The following GPHN variants were observed in gnomAD, a reference collection of about 807,000 sequenced individuals.
The protein encoded by GPHN is gephyrin.
GPHN carries 17 observed loss-of-function variants against 95.5 expected under a neutral mutation model. That is an observed-to-expected ratio of 0.18 (90% confidence interval 0.12 to 0.27). The LOEUF (loss-of-function observed/expected upper bound fraction) is 0.27. GPHN is among the 10% of genes least tolerant of loss of function. The probability of loss-of-function intolerance (pLI) is 1.00; values close to 1 mark genes in which losing one functional copy is unlikely to be tolerated. For missense variants in GPHN, 660 were observed against 978.1 expected, an observed-to-expected ratio of 0.67 and a Z score of 4.34; for synonymous variants, 320 against 322.5, an observed-to-expected ratio of 0.99 and a Z score of 0.08.
chr14:66,576,373 A>T (rs539392538), intron 1 of GPHN, among the ~76,000 whole-genome samples: 1 of 152,066 alleles, frequency 6.6e-6, no homozygotes, highest in Non-Finnish European at 1.5e-5. Context: ...CAAGAGGGAA[A>T]GAGTATGGCA....
chr14:66,720,120 T>C (rs1271032903), intron 2 of GPHN, among the ~76,000 whole-genome samples: 2 of 152,208 alleles, frequency 1.3e-5, no homozygotes, highest in African/African-American at 2.4e-5. Context: ...AACCATTAAA[T>C]TTTATAATTA....
chr14:66,594,212 T>C (rs924294098), intron 1 of GPHN, among the ~76,000 whole-genome samples: 1 of 152,150 alleles, frequency 6.6e-6, no homozygotes, highest in Non-Finnish European at 1.5e-5. Flanking sequence ...ATTGAAAGGA[T>C]GAACATTGTT....
chr14:67,239,182 GT>G, the GPHN span, among the ~76,000 whole-genome samples: 10 of 152,076 alleles, frequency 6.6e-5, no homozygotes, highest in Non-Finnish European at 1.3e-4. Flanking sequence ...TGTGTGTTTT[GT>G]TGTTTTGTAA....
intron 1 of GPHN, among the ~76,000 whole-genome samples, chr14:66,582,985 G>C (rs1213350489): frequency 1.3e-5 from 2 of 152,116 alleles, no homozygotes; most frequent in African/African-American, 4.8e-5. Flanking sequence ...GGTGGAACTA[G>C]TTTACAATCC....
chr14:67,705,001 A>G, the GPHN span, among the ~76,000 whole-genome samples: 1 of 152,310 alleles, frequency 6.6e-6, no homozygotes, highest in African/African-American at 2.4e-5. Context: ...CAGGGAGGTC[A>G]CTCTGAAATC....
chr14:67,558,692 T>C, the GPHN span, among the ~76,000 whole-genome samples: 1 of 152,166 alleles, frequency 6.6e-6, no homozygotes, highest in Non-Finnish European at 1.5e-5. Flanking sequence ...AGCTGTGCCA[T>C]GAATGGACAG....
chr14:67,364,332 A>G, the GPHN span: 1 of 152,988 alleles, frequency 6.5e-6, no homozygotes, highest in Non-Finnish European at 1.5e-5. Flanking sequence ...TTTCCTTTAT[A>G]TAGTGAGTGG....
At chr14:66,810,929 C>T in intron 3 of GPHN, among the ~76,000 whole-genome samples, 1 of 152,076 alleles carries the variant, frequency 6.6e-6, no homozygotes, top group Admixed American at 6.6e-5. Context: ...TACTTCCCTG[C>T]CTTACAGTCA....
chr14:67,482,743 G>A, the GPHN span, among the ~76,000 whole-genome samples: 209 of 152,314 alleles, frequency 1.4e-3, 3 homozygotes, highest in East Asian at 0.022. Context: ...AGGGCCAGAA[G>A]GGAAGCAAGT....
At chr14:67,438,598 C>T in the GPHN span, among the ~76,000 whole-genome samples, 103 of 152,204 alleles carry the variant, frequency 6.8e-4, no homozygotes, top group African/African-American at 2.2e-3. Flanking sequence ...CGGTGGCTCA[C>T]GCCTGTAATC....
At chr14:67,248,413 G>A in the GPHN span, among the ~76,000 whole-genome samples, 1 of 152,032 alleles carries the variant, frequency 6.6e-6, no homozygotes, top group Non-Finnish European at 1.5e-5. Context: ...AATGAAGTCA[G>A]TAGAGTCAAG....
intron 2 of GPHN, among the ~76,000 whole-genome samples, chr14:66,732,368 C>T (rs921489569): frequency 1.3e-5 from 2 of 152,220 alleles, no homozygotes; most frequent in African/African-American, 2.4e-5. Context: ...GACTTGGAGT[C>T]AGAGGAGATA....
At chr14:67,104,753 A>G (rs1471786115) in intron 13 of GPHN, among the ~76,000 whole-genome samples, 1 of 151,988 alleles carries the variant, frequency 6.6e-6, no homozygotes, top group African/African-American at 2.4e-5. Flanking sequence ...TTATTAGTCT[A>G]GCTAATGCTT....
intron 4 of GPHN, among the ~76,000 whole-genome samples, chr14:66,832,896 A>T (rs1447222103): frequency 1.3e-5 from 2 of 152,182 alleles, no homozygotes; most frequent in Non-Finnish European, 2.9e-5. Context: ...GTTTTGAAAA[A>T]GGAAGACCTT....
At chr14:66,785,134 G>A (rs1383275721) in intron 3 of GPHN, among the ~76,000 whole-genome samples, 1 of 152,102 alleles carries the variant, frequency 6.6e-6, no homozygotes, top group Non-Finnish European at 1.5e-5. Context: ...TGGGGAGGTC[G>A]AAGCGGGTGG....
the GPHN span, among the ~76,000 whole-genome samples, chr14:67,480,760 CA>C: frequency 6.6e-6 from 1 of 152,182 alleles, no homozygotes; most frequent in Non-Finnish European, 1.5e-5. Flanking sequence ...GTGTGGATCT[CA>C]TTACTCAGGC....
chr14:66,796,501 A>T (rs2060163185), intron 3 of GPHN, among the ~76,000 whole-genome samples: 1 of 152,074 alleles, frequency 6.6e-6, no homozygotes, highest in African/African-American at 2.4e-5. Flanking sequence ...TTTTCTTCAC[A>T]TTCTCACCAG....
At chr14:66,605,754 G>A (rs989111127) in intron 1 of GPHN, among the ~76,000 whole-genome samples, 20 of 151,858 alleles carry the variant, frequency 1.3e-4, no homozygotes, top group African/African-American at 4.4e-4. Context: ...GGATGGTCTC[G>A]ATCTCCTGAC....
intron 8 of GPHN, among the ~76,000 whole-genome samples, chr14:66,924,591 T>C (rs571746506): frequency 6.6e-6 from 1 of 152,328 alleles, no homozygotes; most frequent in African/African-American, 2.4e-5. Context: ...ACCAATTTCA[T>C]CAGATATCTT....
Sources: allele counts gnomAD v4.1 joint callset (sites outside exome capture counted in the v4.1 genomes callset), GRCh38; gene constraint gnomAD v4.1.1; transcripts MANE v1.5; gene names NCBI Gene and HGNC (gene_info 2026-07-23, HGNC 2026-07-21).